DGKI: variants seen among roughly 807,000 people sequenced by gnomAD.
DGKI encodes DAG kinase iota.
In DGKI, 55 loss-of-function variants were observed where a neutral mutation model predicts 147.5. That is an observed-to-expected ratio of 0.37 (90% CI 0.30 to 0.47). The LOEUF is 0.47. DGKI is among the 20% of genes least tolerant of loss of function. The probability of loss-of-function intolerance (pLI) is 1.00; values close to 1 mark genes in which losing one functional copy is unlikely to be tolerated. For missense variants in DGKI, 1,007 were observed against 1,323.8 expected (o/e 0.76, Z 3.71); for synonymous variants, 469 against 477.1 (o/e 0.98, Z 0.22).
chr7:137,567,808 G>C (rs1313080351), intron 19 of DGKI, among the ~76,000 whole-genome samples: 1 of 152,058 alleles, frequency 6.6e-6, no homozygotes, highest in African/African-American at 2.4e-5. Flanking sequence ...GTTTATAAAA[G>C]AAAGTATCTT....
intron 1 of DGKI, among the ~76,000 whole-genome samples, chr7:137,730,474 G>A (rs183863088): frequency 1.3e-5 from 2 of 152,062 alleles, no homozygotes; most frequent in Admixed American, 1.3e-4. Flanking sequence ...TTCCTTACTG[G>A]TTTATTCCTG....
rs575012321 is a variant in DGKI, at chr7:137,758,206, C to T, written c.402-68204G>A. ...AGCAATGATATCTGAAACACCCACACTTATGGAACCAGTGGGGTTCTATGA... is the reference window on the plus strand; with the variant it reads ...AGCAATGATATCTGAAACACCCACATTTATGGAACCAGTGGGGTTCTATGA... On this transcript the variant is annotated intron_variant, in intron 1 of 32. Transcript: ENST00000614521. Among the ~76,000 whole-genome samples the T allele has an allele frequency of 1.7e-3, 265 of 152,326 alleles. 1 individual carries two copies. Among genetic ancestry groups the T allele is most frequent in the Middle Eastern group, 6.8e-3 (2 of 294 alleles).
chr7:137,749,909 A>G (rs768185089), intron 1 of DGKI, among the ~76,000 whole-genome samples: 1 of 152,140 alleles, frequency 6.6e-6, no homozygotes, highest in Non-Finnish European at 1.5e-5. Flanking sequence ...GGATAAGCCT[A>G]TGGGTGGGAT....
chr7:137,404,401 A>G (rs1280274117), intron 30 of DGKI, among the ~76,000 whole-genome samples: 1 of 152,232 alleles, frequency 6.6e-6, no homozygotes, highest in East Asian at 1.9e-4. Context: ...CAATGTTGAT[A>G]AAAACTAATT....
At chr7:137,426,758 T>C (rs1485284268) in intron 28 of DGKI, among the ~76,000 whole-genome samples, 2 of 151,178 alleles carry the variant, frequency 1.3e-5, no homozygotes, top group South Asian at 2.1e-4. Flanking sequence ...TCCTAGTCTC[T>C]GATAAAACAG....
chr7:137,551,170 G>A (rs1209359410), intron 20 of DGKI, among the ~76,000 whole-genome samples: 3 of 152,152 alleles, frequency 2.0e-5, no homozygotes, highest in Admixed American at 1.3e-4. Flanking sequence ...TTCTGGGAGA[G>A]AAGGAAGGAG....
At chr7:137,466,127 G>C in intron 25 of DGKI, 92 bp from the exon 26 acceptor site, 2 of 1,457,488 alleles carry the variant, frequency 1.4e-6, no homozygotes, top group Non-Finnish European at 1.9e-6. Context: ...CGTGTCAAAG[G>C]ATCACACTGT....
chr7:137,659,904 G>A (rs569153075), intron 3 of DGKI, among the ~76,000 whole-genome samples: 1 of 152,316 alleles, frequency 6.6e-6, no homozygotes, highest in South Asian at 2.1e-4. Context: ...CTGCACTCCA[G>A]CCTGGGCGAC....
At chr7:137,723,489 C>T (rs553212320) in intron 1 of DGKI, among the ~76,000 whole-genome samples, 32 of 152,170 alleles carry the variant, frequency 2.1e-4, no homozygotes, top group South Asian at 1.0e-3. Flanking sequence ...CTAATAGTTA[C>T]GCCTCATGTG....
chr7:137,450,792 C>CAT lies in DGKI; in HGVS notation c.2736-6692_2736-6691dup, dbSNP rs769621825. The stretch of plus-strand genomic sequence containing the variant: ...TTATATACATATCTTTATATATACA[C>CAT]ATATATATATATTTTACTTTGGATT... On this transcript the variant is annotated intron_variant, in intron 27 of 32. Coordinates refer to ENST00000614521, the MANE Select transcript of DGKI (RefSeq NM_001321708.2). Among the ~76,000 whole-genome samples the CAT allele has an allele frequency of 3.1e-4, 46 of 150,758 alleles. No homozygotes were observed. The East Asian group carries it at 3.3e-3, about 11-fold the overall frequency.
intron 1 of DGKI, among the ~76,000 whole-genome samples, chr7:137,771,411 A>G (rs1185849427): frequency 6.6e-6 from 1 of 152,162 alleles, no homozygotes; most frequent in East Asian, 1.9e-4. Context: ...AATCTCGAAC[A>G]AAGCATTTAC....
chr7:137,402,636 C>CT (rs1459184680), intron 30 of DGKI, among the ~76,000 whole-genome samples: 6 of 152,194 alleles, frequency 3.9e-5, no homozygotes, highest in African/African-American at 1.4e-4. Flanking sequence ...GCCTCCAAAT[C>CT]CCCTTTGCTA....
chr7:137,621,926 G>C (rs1820762343), intron 7 of DGKI, among the ~76,000 whole-genome samples: 1 of 152,188 alleles, frequency 6.6e-6, no homozygotes, highest in Non-Finnish European at 1.5e-5. Flanking sequence ...AGAAGAACCA[G>C]GAGCAAAGAT....
chr7:137,408,007 G>C lies in DGKI; in HGVS notation c.2800-12C>G. 6.2e-7 allele frequency: 1 copy of C among 1,612,788 alleles called. No individual in the cohort carries two copies. On this transcript the variant is annotated splice_polypyrimidine_tract_variant and intron_variant, in intron 29 of 32. Transcript: ENST00000614521. Reference sequence around the variant, plus strand: ...TAGCTTTCTATTAGCTGCAAAGAGAGACATACAAAAAGAAGCTCAGGCAGA... The same window carrying C: ...TAGCTTTCTATTAGCTGCAAAGAGACACATACAAAAAGAAGCTCAGGCAGA...
At chr7:137,649,899 A>G (rs1821965440) in intron 5 of DGKI, among the ~76,000 whole-genome samples, 1 of 151,846 alleles carries the variant, frequency 6.6e-6, no homozygotes, top group Non-Finnish European at 1.5e-5. Context: ...TCCAACAAAT[A>G]TTTATTTAAA....
chr7:137,588,564 C>T (rs1819492590), intron 12 of DGKI, among the ~76,000 whole-genome samples: 1 of 150,692 alleles, frequency 6.6e-6, no homozygotes, highest in African/African-American at 2.5e-5. Flanking sequence ...GCAAGCTCCA[C>T]CTCCTGGGTT....
At chr7:137,733,247 C>T (rs780417061) in intron 1 of DGKI, among the ~76,000 whole-genome samples, 1 of 152,010 alleles carries the variant, frequency 6.6e-6, no homozygotes, top group Non-Finnish European at 1.5e-5. Flanking sequence ...CTCCTCATTC[C>T]TTCCTCCATT....
At chr7:137,674,521 CAA>C (rs1239077585) in intron 3 of DGKI, among the ~76,000 whole-genome samples, 1 of 152,196 alleles carries the variant, frequency 6.6e-6, no homozygotes, top group East Asian at 1.9e-4. Flanking sequence ...CTTTCACCCT[CAA>C]AAGTGTCTTG....
At chr7:137,443,114 G>A (rs1179903763) in intron 28 of DGKI, among the ~76,000 whole-genome samples, 1 of 152,184 alleles carries the variant, frequency 6.6e-6, no homozygotes, top group Non-Finnish European at 1.5e-5. Context: ...CAGATCATGG[G>A]TAGGAGAAGG....
Sources: gnomAD v4.1 joint callset for allele counts (sites outside exome capture counted in the v4.1 genomes callset) on GRCh38, gnomAD v4.1.1 for gene constraint, MANE v1.5 for transcripts, NCBI Gene and HGNC (gene_info 2026-07-23, HGNC 2026-07-21) for gene names.